ARHGEF7: variants seen among roughly 807,000 people sequenced by gnomAD.
ARHGEF7 encodes the protein Rho guanine nucleotide exchange factor 7, also known as PAK-interacting exchange factor beta.
A neutral mutation model predicts 109.8 loss-of-function variants in ARHGEF7; 33 were observed. The ratio of observed to expected loss-of-function variants is 0.30; its 90% CI spans 0.23 to 0.40. The LOEUF is 0.40. ARHGEF7 is among the 10% of genes least tolerant of loss of function. ARHGEF7 has a pLI of 1.00. For synonymous variants in ARHGEF7, 458 were observed against 424.6 expected (o/e 1.08, Z -0.97); for missense variants, 938 against 1,098.5 (o/e 0.85, Z 2.07).
intron 1 of ARHGEF7, among the ~76,000 whole-genome samples, chr13:111,147,662 C>T (rs1029586599): frequency 1.3e-5 from 2 of 150,806 alleles, no homozygotes; most frequent in African/African-American, 4.9e-5. Context: ...TTCCATTTGC[C>T]TCTTCACCCT....
At chr13:111,276,388 C>T (rs1348400565) in intron 12 of ARHGEF7, among the ~76,000 whole-genome samples, 1 of 152,116 alleles carries the variant, frequency 6.6e-6, no homozygotes, top group Non-Finnish European at 1.5e-5. Flanking sequence ...TTTTCCTTTC[C>T]ACCTGTAAAA....
intron 8 of ARHGEF7, among the ~76,000 whole-genome samples, chr13:111,251,887 T>C (rs1333248200): frequency 1.3e-5 from 2 of 152,270 alleles, no homozygotes; most frequent in African/African-American, 4.8e-5. Flanking sequence ...ATTCTGTTTT[T>C]GTTTTTCCCC....
chr13:111,140,268 G>A (rs1227513598), intron 1 of ARHGEF7, among the ~76,000 whole-genome samples: 3 of 152,216 alleles, frequency 2.0e-5, no homozygotes. Flanking sequence ...AGTGCAGGGA[G>A]AGATTCTGTA....
chr13:111,251,423 C>T (rs1044641787), intron 8 of ARHGEF7, among the ~76,000 whole-genome samples: 10 of 152,106 alleles, frequency 6.6e-5, no homozygotes, highest in Middle Eastern at 3.4e-3. Context: ...AGTTGGAAGC[C>T]GCTGATGGAT....
rs2083309397 is a variant in ARHGEF7, at chr13:111,217,743, A to G, written c.533A>G (p.Asn178Ser). 3.1e-6 allele frequency: 5 copies of G among 1,614,264 alleles called. No homozygotes were observed. The Middle Eastern group carries it at 4.9e-4, about 160-fold the overall frequency. Residue 178 changes from asparagine to serine, a missense_variant, in exon 5 of 22, where the codon AAT becomes AGT. Asn to Ser is a conservative substitution (Grantham distance 46). Around this residue, in one of 4 missense-constraint regions of ARHGEF7, gnomAD observed 585 missense variants for 723.6 expected, o/e 0.81. Coordinates refer to ENST00000646102, the MANE Select transcript of ARHGEF7 (RefSeq NM_001354046.2). ...VRAKFNFQQT[N>S]EDELSFSKGD... ...GCAAAGTTTAACTTCCAGCAGACCAATGAGGACGAGCTTTCCTTCTCAAAA... is the reference window on the plus strand; with the variant it reads ...GCAAAGTTTAACTTCCAGCAGACCAGTGAGGACGAGCTTTCCTTCTCAAAA...
At position 111,244,206 on chromosome 13, in the gene ARHGEF7, T is replaced by A; in HGVS notation, c.862T>A (p.Ser288Thr). 6.3e-7 allele frequency: 1 copy of A among 1,599,454 alleles called. No individual in the cohort carries two copies. Among genetic ancestry groups the A allele is most frequent in the East Asian group, 2.2e-5 (1 of 44,754 alleles). ...TATTTTTCTTGGCTCTAGGTTAAGTTCAGCAAACATTTCATATTTAATGGG... is the reference window on the plus strand; with the variant it reads ...TATTTTTCTTGGCTCTAGGTTAAGTACAGCAAACATTTCATATTTAATGGG... ...RPLQTSEKLSSANISYLMGNL... is the reference protein window; with the variant it reads ...RPLQTSEKLSTANISYLMGNL... Residue 288 changes from serine (S) to threonine (T), a missense_variant, in exon 8 of 22, where the codon TCA becomes ACA. Around this residue, in one of 4 missense-constraint regions of ARHGEF7, gnomAD observed 585 missense variants for 723.6 expected, o/e 0.81. Coordinates refer to ENST00000646102, the MANE Select transcript of ARHGEF7 (RefSeq NM_001354046.2).
chr13:111,167,447 A>T (rs139321421), intron 2 of ARHGEF7, among the ~76,000 whole-genome samples: 192 of 152,188 alleles, frequency 1.3e-3, no homozygotes, highest in African/African-American at 4.5e-3. Context: ...CCTCCTTTCC[A>T]TATTGTATCC....
chr13:111,204,428 C>T (rs1412282607), intron 2 of ARHGEF7, among the ~76,000 whole-genome samples: 1 of 152,158 alleles, frequency 6.6e-6, no homozygotes, highest in Admixed American at 6.5e-5. Context: ...GACGATTTGA[C>T]TGTTTATCTT....
Position 111,228,395 on chromosome 13 carries a change from A to G in ARHGEF7, c.671-4810A>G, listed in dbSNP as rs2085512834. On this transcript the variant is annotated intron_variant, in intron 5 of 21. Coordinates refer to ENST00000646102, the MANE Select transcript of ARHGEF7 (RefSeq NM_001354046.2). This position sits in a 1 kb window ranked among gnomAD's most constrained non-coding sequence, Gnocchi z 4.6. ...AAGAAGAAAAGCTCCCTTTGCTAAC[A>G]CTGAAGTGTTGGTGAGTGGAGATGA... Among the ~76,000 whole-genome samples, 1 of 152,204 alleles carries G rather than the reference A, an allele frequency of 6.6e-6. No individual in the cohort carries two copies. Among genetic ancestry groups the G allele is most frequent in the Non-Finnish European group, 1.5e-5 (1 of 68,036 alleles).
At chr13:111,151,758 A>G (rs904156482) in intron 1 of ARHGEF7, among the ~76,000 whole-genome samples, 1 of 152,222 alleles carries the variant, frequency 6.6e-6, no homozygotes, top group African/African-American at 2.4e-5. Context: ...GACATTAGAC[A>G]GCATTTCAGC....
chr13:111,214,785 A>G (rs573103095), intron 4 of ARHGEF7, among the ~76,000 whole-genome samples: 1 of 152,358 alleles, frequency 6.6e-6, no homozygotes, highest in Admixed American at 6.5e-5. Flanking sequence ...TGAAATATGC[A>G]TTAAGTATTT....
At chr13:111,185,930 G>A (rs2079198255) in intron 2 of ARHGEF7, among the ~76,000 whole-genome samples, 1 of 150,122 alleles carries the variant, frequency 6.7e-6, no homozygotes, top group African/African-American at 2.5e-5. Flanking sequence ...TTCTGCCTTT[G>A]TAAGCTTTGT....
chr13:111,115,982 C>T (rs1198496459), intron 1 of ARHGEF7, among the ~76,000 whole-genome samples: 1 of 151,866 alleles, frequency 6.6e-6, no homozygotes, highest in Non-Finnish European at 1.5e-5. Context: ...GCTTCTGCGC[C>T]GCCCGAACGC....
intron 13 of ARHGEF7, among the ~76,000 whole-genome samples, chr13:111,278,576 T>C (rs1381606329): frequency 3.3e-5 from 5 of 152,154 alleles, no homozygotes; most frequent in Non-Finnish European, 7.4e-5. Context: ...TGCTTTAGAA[T>C]TGGTGAATCA....
chr13:111,196,689 G>A (rs988113297), intron 2 of ARHGEF7, among the ~76,000 whole-genome samples: 61 of 152,112 alleles, frequency 4.0e-4, no homozygotes, highest in African/African-American at 1.5e-3. Flanking sequence ...GGAGATTAGA[G>A]GAGGCTTATC....
At chr13:111,222,583 C>G (rs2153507319) in intron 5 of ARHGEF7, among the ~76,000 whole-genome samples, 1 of 152,296 alleles carries the variant, frequency 6.6e-6, no homozygotes, top group East Asian at 1.9e-4. Context: ...GCACGTGCCA[C>G]CATGCCTGGC....
intron 5 of ARHGEF7, 61 bp downstream of exon 5, chr13:111,217,941 A>G: frequency 6.8e-7 from 1 of 1,478,456 alleles, no homozygotes; most frequent in Non-Finnish European, 9.2e-7. Context: ...AAGTAAATGT[A>G]CTTGACATAG....
At chr13:111,154,905 A>G (rs1007237678) in intron 2 of ARHGEF7, among the ~76,000 whole-genome samples, 7 of 152,146 alleles carry the variant, frequency 4.6e-5, no homozygotes, top group African/African-American at 1.7e-4. Flanking sequence ...GGCAATATCA[A>G]GCTCCCAGAT....
At chr13:111,184,607 A>C (rs989714360) in intron 2 of ARHGEF7, among the ~76,000 whole-genome samples, 1 of 152,198 alleles carries the variant, frequency 6.6e-6, no homozygotes, top group Non-Finnish European at 1.5e-5. Flanking sequence ...GGCAGCATCC[A>C]GGGCTTTTAG....
Sources: gnomAD v4.1 joint callset for allele counts (sites outside exome capture counted in the v4.1 genomes callset) on GRCh38, gnomAD v4.1.1 for gene constraint, gnomAD v4.1.1 regional missense constraint, Gnocchi (gnomAD v3.1) non-coding constraint, MANE v1.5 for transcripts, NCBI Gene and HGNC (gene_info 2026-07-23, HGNC 2026-07-21) for gene names.